Variants in CNRIP1 observed in about 807,000 individuals in gnomAD.
The protein encoded by CNRIP1 is cannabinoid receptor interacting protein 1, also known as CB1 cannabinoid receptor-interacting protein 1.
CNRIP1 carries 10 observed loss-of-function variants against 15.2 expected under a neutral mutation model. The ratio of observed to expected loss-of-function variants is 0.66; its 90% CI spans 0.41 to 1.12. CNRIP1 has a LOEUF of 1.12. Ranked by LOEUF, CNRIP1 falls within the 50% of genes most tolerant of loss-of-function variation. The pLI is 0.00. For missense variants in CNRIP1, 211 were observed against 214.7 expected (o/e 0.98, Z 0.11); for synonymous variants, 91 against 83.2 (o/e 1.09, Z -0.51).
intron 2 of CNRIP1, among the ~76,000 whole-genome samples, chr2:68,297,903 T>C (rs1173015376): frequency 6.6e-6 from 1 of 152,170 alleles, no homozygotes; most frequent in African/African-American, 2.4e-5. Flanking sequence ...ATAAGATGTA[T>C]AGAAAAAATG....
chr2:68,316,292 TAAAC>T (rs1467911176), intron 2 of CNRIP1: 2 of 152,158 alleles, frequency 1.3e-5, no homozygotes, highest in Non-Finnish European at 2.9e-5. Flanking sequence ...ACTGGAATTT[TAAAC>T]AAACTCCCAA....
intron 2 of CNRIP1, among the ~76,000 whole-genome samples, chr2:68,309,910 A>C (rs1193293257): frequency 6.6e-6 from 1 of 152,258 alleles, no homozygotes; most frequent in Non-Finnish European, 1.5e-5. Flanking sequence ...AATCCTTGAA[A>C]GATAAAGTTG....
At chr2:68,290,712 G>A (rs752797498), downstream of CNRIP1, among the ~76,000 whole-genome samples, 9 of 152,160 alleles carry the variant, frequency 5.9e-5, no homozygotes, top group East Asian at 3.9e-4. Flanking sequence ...GAGAAGACCC[G>A]AGCCTTTAGT....
intron 2 of CNRIP1, among the ~76,000 whole-genome samples, chr2:68,308,225 CA>C (rs1013109449): frequency 6.6e-6 from 1 of 150,506 alleles, no homozygotes; most frequent in Non-Finnish European, 1.5e-5. Context: ...CAAAACAAAA[CA>C]AAAAAAACCC....
intron 2 of CNRIP1, among the ~76,000 whole-genome samples, chr2:68,307,577 T>G (rs998112558): frequency 2.6e-5 from 4 of 152,176 alleles, no homozygotes; most frequent in Non-Finnish European, 5.9e-5. Context: ...CCTCTTGCCT[T>G]GTCCTCCCAA....
chr2:68,319,515 G>T lies in CNRIP1; in HGVS notation c.-115C>A. On this transcript the variant is annotated 5_prime_UTR_variant, in exon 1 of 3. Transcript: ENST00000263655. ...AAGCGCGGGGAGGGTGAGGGAGGTG[G>T]TGGAGCTGAGGCTGCCGCTAGGAAC... 8.9e-7 allele frequency: 1 copy of T among 1,121,228 alleles called. No individual in the cohort carries two copies. The allele number at this position is 1,121,228 out of a possible 1,614,324, so 69.5% of individuals were successfully genotyped here.
Position 68,293,515 on chromosome 2 carries a change from C to T in CNRIP1, c.*347G>A. 1 of 1,008,734 alleles carries T rather than the reference C, an allele frequency of 9.9e-7. No individual in the cohort carries two copies. The highest frequency in any genetic ancestry group is 1.2e-6 in the Non-Finnish European group (1 of 844,434). The allele number at this position is 1,008,734 out of a possible 1,614,324, so 62.5% of individuals were successfully genotyped here. A position where few individuals can be genotyped will look rare whatever the true frequency, so the allele number is the denominator to read the frequency against. On this transcript the variant is annotated 3_prime_UTR_variant, in exon 3 of 3. Coordinates refer to ENST00000263655, the MANE Select transcript of CNRIP1 (RefSeq NM_015463.3). The stretch of plus-strand genomic sequence containing the variant: ...AAGGAGGAATCACTTAACTTGGAAA[C>T]AAAACACCAAAGTTAGTCAGTGGAA...
chr2:68,290,129 A>T (rs1261275076), downstream of CNRIP1, among the ~76,000 whole-genome samples: 12 of 150,924 alleles, frequency 8.0e-5, no homozygotes, highest in Non-Finnish European at 5.9e-5. Flanking sequence ...CCTGGGTTCA[A>T]GTGATTCTCC....
At chr2:68,294,910 G>C (rs1671292488) in intron 2 of CNRIP1, among the ~76,000 whole-genome samples, 1 of 152,152 alleles carries the variant, frequency 6.6e-6, no homozygotes, top group Non-Finnish European at 1.5e-5. Context: ...GTAAATCACT[G>C]CACAGAACTC....
At chr2:68,284,244 T>C in exon 3 of CNRIP1, 1 of 430,992 alleles carries the variant, frequency 2.3e-6, no homozygotes, top group Non-Finnish European at 4.1e-6. Context: ...TTGGATTTAC[T>C]CTCAGAGAGT....
At chr2:68,304,372 G>C (rs1158228982) in intron 2 of CNRIP1, among the ~76,000 whole-genome samples, 3 of 149,146 alleles carry the variant, frequency 2.0e-5, no homozygotes, top group African/African-American at 7.5e-5. Flanking sequence ...ACTGCACTCT[G>C]GTCTGGGTGA....
rs1045736248 is a variant in CNRIP1, at chr2:68,302,661, A to T, written c.331-8635T>A. Among the ~76,000 whole-genome samples the T allele has an allele frequency of 3.3e-5, 5 of 152,138 alleles. No homozygotes were observed. The East Asian group carries it at 9.6e-4, about 29-fold the overall frequency. ...AGGCAGTAAAGGGCTGTGAAATGTC[A>T]TTGACAGTAGCTGCAGTGTCACTAT... On this transcript the variant is annotated intron_variant, in intron 2 of 2. Coordinates refer to ENST00000263655, the MANE Select transcript of CNRIP1 (RefSeq NM_015463.3).
At chr2:68,306,124 CAAAAAAA>C (rs61586261) in intron 2 of CNRIP1, among the ~76,000 whole-genome samples, 327 of 25,338 alleles carry the variant, frequency 0.013, 2 homozygotes, top group African/African-American at 0.044. Context: ...CCCACCTCTA[CAAAAAAA>C]AAAAAAAAAA....
At chr2:68,284,599 G>A in intron 2 of CNRIP1, 2 of 567,074 alleles carry the variant, frequency 3.5e-6, no homozygotes, top group South Asian at 2.4e-5. Flanking sequence ...ATCTCTTGAG[G>A]TCAGGAGTTC....
At chr2:68,300,813 A>G (rs544281035) in intron 2 of CNRIP1, among the ~76,000 whole-genome samples, 1 of 152,352 alleles carries the variant, frequency 6.6e-6, no homozygotes, top group East Asian at 1.9e-4. Flanking sequence ...CATGGATCCT[A>G]CAGACCTTAA....
chr2:68,305,807 A>AC (rs1671819682), intron 2 of CNRIP1, among the ~76,000 whole-genome samples: 4 of 148,698 alleles, frequency 2.7e-5, no homozygotes, highest in African/African-American at 7.5e-5. Context: ...AAAAAAAAAA[A>AC]AACACACACA....
intron 2 of CNRIP1, among the ~76,000 whole-genome samples, chr2:68,300,869 CT>C (rs1301209004): frequency 6.6e-6 from 1 of 152,156 alleles, no homozygotes; most frequent in African/African-American, 2.4e-5. Context: ...TGGACAAGTT[CT>C]TCCTTGAAAG....
At position 68,317,158 on chromosome 2, in the gene CNRIP1, G is replaced by A. The variant is rs758065078; in HGVS notation, c.329C>T (p.Pro110Leu). 47 of 1,614,104 alleles carry A rather than the reference G, an allele frequency of 2.9e-5. No homozygotes were observed. Among genetic ancestry groups the A allele is most frequent in the African/African-American group, 1.5e-4 (11 of 75,024 alleles). The change falls in exon 2 of 3, where the codon CCG becomes CTG. Residue 110 changes from proline (P) to leucine (L), a missense_variant and splice_region_variant. Transcript: ENST00000263655. ...GERQPIQITM[P>L]FTDIGTFETV... ...CCTATACCCGCAAGCAAGCCTTACC[G>A]GCATGGTGATCTGGATGGGTTGCCG...
intron 2 of CNRIP1, among the ~76,000 whole-genome samples, chr2:68,294,387 C>G (rs1207391386): frequency 6.6e-6 from 1 of 152,152 alleles, no homozygotes; most frequent in Non-Finnish European, 1.5e-5. Flanking sequence ...CCCCTGCTGG[C>G]CAGGTGCAGT....
Sources: gnomAD v4.1 joint callset for allele counts (sites outside exome capture counted in the v4.1 genomes callset) on GRCh38, gnomAD v4.1.1 for gene constraint, MANE v1.5 for transcripts, NCBI Gene and HGNC (gene_info 2026-07-23, HGNC 2026-07-21) for gene names.